PTPRD: variants seen among roughly 807,000 people sequenced by gnomAD.
PTPRD encodes the protein protein tyrosine phosphatase receptor type D.
Under a neutral mutation model 214.5 loss-of-function variants are expected in PTPRD, and 34 were observed. The ratio of observed to expected loss-of-function variants is 0.16; its 90% CI spans 0.12 to 0.21. PTPRD has a LOEUF of 0.21. Ranked by LOEUF, PTPRD falls within the 10% of genes least tolerant of loss-of-function variation. The pLI, the probability that PTPRD is intolerant of heterozygous loss-of-function variation, is 1.00. For missense variants in PTPRD, 2,545 were observed against 2,398.7 expected, an observed-to-expected ratio of 1.06 and a Z score of -1.27; for synonymous variants, 1,128 against 845.7, an observed-to-expected ratio of 1.33 and a Z score of -5.79.
chr9:9,113,323 C>T (rs938986533), intron 10 of PTPRD, among the ~76,000 whole-genome samples: 3 of 151,984 alleles, frequency 2.0e-5, no homozygotes, highest in African/African-American at 7.3e-5. Context: ...ATCTTTCCAT[C>T]TGATGCTTAT....
At chr9:9,697,213 A>T (rs138393257) in intron 7 of PTPRD, among the ~76,000 whole-genome samples, 139 of 152,184 alleles carry the variant, frequency 9.1e-4, no homozygotes, top group African/African-American at 2.9e-3. Flanking sequence ...GTGGATTGCA[A>T]ATCACAATTA....
intron 10 of PTPRD, among the ~76,000 whole-genome samples, chr9:9,125,440 C>G (rs1345502961): frequency 1.3e-5 from 2 of 152,128 alleles, no homozygotes. Context: ...TTTCTTTCTT[C>G]CCACAGTACC....
chr9:9,187,994 G>T (rs1007295610), intron 9 of PTPRD, among the ~76,000 whole-genome samples: 1 of 151,620 alleles, frequency 6.6e-6, no homozygotes, highest in Non-Finnish European at 1.5e-5. Flanking sequence ...TAAACATCAG[G>T]GTAAACACCA....
At chr9:10,489,733 G>T (rs2099155027) in intron 2 of PTPRD, among the ~76,000 whole-genome samples, 1 of 152,086 alleles carries the variant, frequency 6.6e-6, no homozygotes, top group Admixed American at 6.6e-5. Context: ...GTCCCTCCAT[G>T]GTTAGTTATC....
Position 8,764,126 on chromosome 9 carries a change from C to A in PTPRD, c.-103-30180G>T, listed in dbSNP as rs74476934. On this transcript the variant is annotated intron_variant, in intron 11 of 45. Coordinates refer to ENST00000381196, the MANE Select transcript of PTPRD (RefSeq NM_002839.4). The stretch of plus-strand genomic sequence containing the variant: ...TAAGGACACTCTCACTCTAATTATT[C>A]CAGGACTGCAGTTAAGTCTCAGTCC... Among the ~76,000 whole-genome samples, 465 of 152,272 alleles carry A rather than the reference C, an allele frequency of 3.1e-3. 2 individuals are homozygous for A. The highest frequency in any genetic ancestry group is 0.01 in the African/African-American group (421 of 41,554).
chr9:9,892,461 C>G (rs10120332), intron 5 of PTPRD, among the ~76,000 whole-genome samples: 28,927 of 151,816 alleles, frequency 0.19, 3,269 homozygotes, highest in African/African-American at 0.32. Flanking sequence ...GTGAGCCAGA[C>G]GGAAAGTAAA....
At chr9:9,761,526 T>C (rs2098656766) in intron 6 of PTPRD, among the ~76,000 whole-genome samples, 1 of 152,112 alleles carries the variant, frequency 6.6e-6, no homozygotes, top group Non-Finnish European at 1.5e-5. Context: ...TTATAGAACA[T>C]AATGAAGACA....
At chr9:9,363,768 C>G (rs1009267286) in intron 9 of PTPRD, among the ~76,000 whole-genome samples, 1 of 151,254 alleles carries the variant, frequency 6.6e-6, no homozygotes, top group Non-Finnish European at 1.5e-5. Flanking sequence ...CAAGCAAAAA[C>G]TTAGAAACCA....
rs185798773 is a variant in PTPRD, at chr9:9,528,491, A to T, written c.-237+46241T>A. On this transcript the variant is annotated intron_variant, in intron 8 of 45. Transcript: ENST00000381196. Reference sequence around the variant, plus strand: ...AAAGATTGATAACAATGTAAATAACATCAATTTATGTCATTGAGTTCCCAG... The same window carrying T: ...AAAGATTGATAACAATGTAAATAACTTCAATTTATGTCATTGAGTTCCCAG... Among the ~76,000 whole-genome samples the T allele has an allele frequency of 8.5e-5, 13 of 152,344 alleles. No homozygotes were observed. In the East Asian group the frequency reaches 2.5e-3, roughly 29 times the overall value.
intron 3 of PTPRD, among the ~76,000 whole-genome samples, chr9:10,199,356 T>C (rs959101561): frequency 1.3e-5 from 2 of 152,094 alleles, no homozygotes; most frequent in South Asian, 4.1e-4. Context: ...CGTATAATGA[T>C]AGGAGAAACT....
intron 3 of PTPRD, among the ~76,000 whole-genome samples, chr9:10,131,050 C>G (rs866836540): frequency 6.6e-6 from 1 of 152,072 alleles, no homozygotes; most frequent in East Asian, 1.9e-4. Context: ...TCAAGCAGCA[C>G]AAAACAAGAA....
chr9:9,299,137 A>C (rs899770502), intron 9 of PTPRD, among the ~76,000 whole-genome samples: 8 of 151,772 alleles, frequency 5.3e-5, no homozygotes, highest in African/African-American at 1.9e-4. Flanking sequence ...TAGGGAGGTG[A>C]ACGGTAAATC....
chr9:9,937,385 A>T (rs1219860954), intron 5 of PTPRD, among the ~76,000 whole-genome samples: 1 of 150,676 alleles, frequency 6.6e-6, no homozygotes, highest in Admixed American at 6.6e-5. Context: ...TGTCAGAAGT[A>T]TTTTTTCTCA....
rs116338810 is a variant in PTPRD at position 8,798,985 on chromosome 9, A to G, written c.-103-65039T>C. On this transcript the variant is annotated intron_variant, in intron 11 of 45. Coordinates refer to ENST00000381196, the MANE Select transcript of PTPRD (RefSeq NM_002839.4). ...AGCCTGCTTTCCTTACAGGGTTATTATAAGGATTAATACAAAGATCCAATA... is the reference window on the plus strand; with the variant it reads ...AGCCTGCTTTCCTTACAGGGTTATTGTAAGGATTAATACAAAGATCCAATA... 1.5e-3 allele frequency among the ~76,000 whole-genome samples: 225 copies of G among 152,286 alleles called. 1 individual carries two copies. Among genetic ancestry groups the G allele is most frequent in the African/African-American group, 5.1e-3 (214 of 41,556 alleles).
chr9:8,784,112 C>T (rs2095846291), intron 11 of PTPRD, among the ~76,000 whole-genome samples: 1 of 152,178 alleles, frequency 6.6e-6, no homozygotes, highest in Non-Finnish European at 1.5e-5. Context: ...TCTCACATTA[C>T]AGTATTTATT....
intron 14 of PTPRD, among the ~76,000 whole-genome samples, chr9:8,583,862 C>T (rs1254572234): frequency 6.6e-6 from 1 of 152,156 alleles, no homozygotes; most frequent in Non-Finnish European, 1.5e-5. Flanking sequence ...ATCTAAAAAG[C>T]AAAGTTCAGC....
chr9:8,577,253 T>G (rs562788987), intron 14 of PTPRD, among the ~76,000 whole-genome samples: 1 of 150,380 alleles, frequency 6.6e-6, no homozygotes, highest in East Asian at 1.9e-4. Context: ...GTTTGTTTGT[T>G]TATTTATTTA....
At chr9:8,964,871 G>C (rs1473480996) in intron 11 of PTPRD, among the ~76,000 whole-genome samples, 2 of 152,072 alleles carry the variant, frequency 1.3e-5, no homozygotes, top group East Asian at 3.9e-4. Flanking sequence ...AATCTTTTTG[G>C]TATTGATTTC....
intron 12 of PTPRD, among the ~76,000 whole-genome samples, chr9:8,670,552 A>T (rs2154362935): frequency 6.6e-6 from 1 of 152,346 alleles, no homozygotes; most frequent in African/African-American, 2.4e-5. Flanking sequence ...CACAACAGTA[A>T]CCACTATGCT....
Sources: allele counts gnomAD v4.1 joint callset (sites outside exome capture counted in the v4.1 genomes callset), GRCh38; gene constraint gnomAD v4.1.1; transcripts MANE v1.5; gene names NCBI Gene and HGNC (gene_info 2026-07-23, HGNC 2026-07-21).